Variants in ZNF503 observed in about 807,000 individuals in gnomAD.
ZNF503 encodes the protein NocA-like zinc finger 2.
In ZNF503, 15 loss-of-function variants were observed where a neutral mutation model predicts 34.4. That is an observed-to-expected ratio of 0.44 (90% CI 0.29 to 0.67). The LOEUF is 0.67. Among genes scored for constraint, ZNF503 ranks in the 30% least tolerant of loss-of-function variants. The pLI, the probability that ZNF503 is intolerant of heterozygous loss-of-function variation, is 0.13. For synonymous variants in ZNF503, 580 were observed against 456.8 expected, an observed-to-expected ratio of 1.27 and a Z score of -3.44; for missense variants, 1,007 against 926.8, an observed-to-expected ratio of 1.09 and a Z score of -1.12.
chr10:75,390,395 CCCT>C, the ZNF503 span, among the ~76,000 whole-genome samples: 1 of 150,202 alleles, frequency 6.7e-6, no homozygotes, highest in African/African-American at 2.5e-5. Flanking sequence ...CTCTTCCTCC[CCCT>C]CCTCCTCTTC....
chr10:75,394,923 A>ACCAG (rs1385379815), downstream of ZNF503, among the ~76,000 whole-genome samples: 1 of 152,128 alleles, frequency 6.6e-6, no homozygotes, highest in Non-Finnish European at 1.5e-5. Flanking sequence ...GCACAAGGAC[A>ACCAG]CCAGGGTCGC....
At chr10:75,390,988 G>A in the ZNF503 span, among the ~76,000 whole-genome samples, 3 of 152,058 alleles carry the variant, frequency 2.0e-5, no homozygotes, top group Non-Finnish European at 4.4e-5. Flanking sequence ...GGAGGTTGGT[G>A]GTGTCTCTTC....
Position 75,399,477 on chromosome 10 carries a change from T to C in ZNF503, c.1213A>G (p.Ser405Gly). 6.3e-7 allele frequency: 1 copy of C among 1,579,804 alleles called. No homozygotes were observed. Among genetic ancestry groups the C allele is most frequent in the Non-Finnish European group, 8.5e-7 (1 of 1,169,616 alleles). ...AAAAAGSLGC[S>G]KPAGSSPLAG... is the part of the protein sequence containing the mutation. The stretch of plus-strand genomic sequence containing the variant: ...AAAGGGCTGGAGCCGGCCGGCTTAC[T>C]GCAGCCCAGAGACCCGGCCGCGGCC... Residue 405 changes from serine (S) to glycine (G), a missense_variant, in exon 2 of 2, where the codon AGT becomes GGT. By Grantham distance (56) the Ser-to-Gly change is moderately conservative. Coordinates refer to ENST00000372524, the MANE Select transcript of ZNF503 (RefSeq NM_032772.6).
the ZNF503 span, among the ~76,000 whole-genome samples, chr10:75,329,188 T>C: frequency 6.6e-6 from 1 of 152,196 alleles, no homozygotes; most frequent in Non-Finnish European, 1.5e-5. Flanking sequence ...ATGGGATTGC[T>C]TTCTTAATTT....
the ZNF503 span, among the ~76,000 whole-genome samples, chr10:75,325,515 G>C: frequency 6.6e-6 from 1 of 152,056 alleles, no homozygotes; most frequent in African/African-American, 2.4e-5. Flanking sequence ...GATTACTGTA[G>C]CTTTAGAGTA....
At chr10:75,377,025 G>C in the ZNF503 span, among the ~76,000 whole-genome samples, 1 of 152,222 alleles carries the variant, frequency 6.6e-6, no homozygotes, top group Admixed American at 6.5e-5. Flanking sequence ...TCTGGGACCA[G>C]CAACATCAGC....
In ZNF503 at chr10:75,400,073, G is replaced by A. The variant is rs754074409; in HGVS notation, c.617C>T (p.Ser206Leu). 10 of 1,559,400 alleles carry A rather than the reference G, an allele frequency of 6.4e-6. No homozygotes were observed. The highest frequency in any genetic ancestry group is 2.7e-5 in the African/African-American group (2 of 73,474). ...TACCCGGAATCCCGACTTCTCCGAC[G>A]AAACACCCCCGCCGCCGCCCCCGCC... ...GGGGGGGGGV[S>L]SEKSGFRVPS... The change falls in exon 2 of 2, where the codon TCG (serine) becomes TTG (leucine). Residue 206 changes from serine (S) to leucine (L), a missense_variant. Transcript: ENST00000372524.
At position 75,401,382 on chromosome 10, in the gene ZNF503, C is replaced by T. The variant is rs1011298922; in HGVS notation, c.38G>A (p.Ser13Asn). 4 of 1,539,814 alleles carry T rather than the reference C, an allele frequency of 2.6e-6. No individual in the cohort carries two copies. The highest frequency in any genetic ancestry group is 2.6e-6 in the Non-Finnish European group (3 of 1,146,502). ...GCCGCCGCCGCCGCCGCTGTGCTTACTGCTTCTTAGGGCAGAAAGCGAGGG... is the reference window on the plus strand; with the variant it reads ...GCCGCCGCCGCCGCCGCTGTGCTTATTGCTTCTTAGGGCAGAAAGCGAGGG... ...TAPSLSALRSSKHSGGGGGGG... is the reference protein window; with the variant it reads ...TAPSLSALRSNKHSGGGGGGG... Residue 13 changes from serine (S) to asparagine (N), a missense_variant, in exon 1 of 2, where the codon AGT becomes AAT. Physicochemically the swap from Ser to Asn is conservative, Grantham distance 46. Transcript: ENST00000372524.
chr10:75,310,683 A>G, the ZNF503 span, among the ~76,000 whole-genome samples: 2 of 152,242 alleles, frequency 1.3e-5, no homozygotes, highest in Non-Finnish European at 2.9e-5. Flanking sequence ...ACCTTCCTGC[A>G]GTCTAGTGGA....
chr10:75,282,310 C>G, the ZNF503 span, among the ~76,000 whole-genome samples: 1,119 of 152,286 alleles, frequency 7.3e-3, 12 homozygotes, highest in African/African-American at 0.025. Context: ...AAGACAAAGC[C>G]TTGGCTGGGG....
chr10:75,353,034 G>T, the ZNF503 span, among the ~76,000 whole-genome samples: 1 of 152,094 alleles, frequency 6.6e-6, no homozygotes, highest in Non-Finnish European at 1.5e-5. Context: ...CTCTGTCCTC[G>T]TAGGAGGGGA....
chr10:75,280,002 G>C, the ZNF503 span: 3 of 152,178 alleles, frequency 2.0e-5, no homozygotes, highest in Non-Finnish European at 4.4e-5. Context: ...AATGAATTTT[G>C]TGGGGACTAT....
At chr10:75,288,054 A>G in the ZNF503 span, among the ~76,000 whole-genome samples, 1 of 152,230 alleles carries the variant, frequency 6.6e-6, no homozygotes, top group African/African-American at 2.4e-5. Flanking sequence ...TGGCTCTGAC[A>G]TTCCAGCACT....
the ZNF503 span, among the ~76,000 whole-genome samples, chr10:75,315,716 C>T: frequency 1.3e-5 from 2 of 152,212 alleles, no homozygotes; most frequent in Admixed American, 1.3e-4. Context: ...CAATTAATAA[C>T]ATAGCCATAG....
the ZNF503 span, among the ~76,000 whole-genome samples, chr10:75,294,362 C>T: frequency 6.6e-6 from 1 of 152,174 alleles, no homozygotes; most frequent in Admixed American, 6.5e-5. Context: ...TCCAAAAGAC[C>T]CTCGCCCAAA....
At chr10:75,327,903 G>T in the ZNF503 span, among the ~76,000 whole-genome samples, 1 of 152,036 alleles carries the variant, frequency 6.6e-6, no homozygotes, top group Non-Finnish European at 1.5e-5. Context: ...TGTCTTTTGA[G>T]AGATGTCTAT....
the ZNF503 span, among the ~76,000 whole-genome samples, chr10:75,300,463 G>C: frequency 2.6e-5 from 4 of 152,274 alleles, no homozygotes; most frequent in Admixed American, 1.3e-4. Flanking sequence ...GTAAAGACAG[G>C]CATAGGAAAT....
chr10:75,396,668 G>A (rs998313716), downstream of ZNF503, among the ~76,000 whole-genome samples: 2 of 152,152 alleles, frequency 1.3e-5, no homozygotes, highest in African/African-American at 4.8e-5. This position sits in a 1 kb window ranked among gnomAD's most constrained non-coding sequence, Gnocchi z 4.4. Context: ...GAAACCGGAA[G>A]AGCCTGACCC....
chr10:75,287,643 C>G, the ZNF503 span, among the ~76,000 whole-genome samples: 89 of 152,260 alleles, frequency 5.8e-4, no homozygotes, highest in East Asian at 0.014. Context: ...ACAGAGTGAG[C>G]CTTGAGCAGG....
Sources: allele counts gnomAD v4.1 joint callset (sites outside exome capture counted in the v4.1 genomes callset), GRCh38; gene constraint gnomAD v4.1.1; non-coding constraint Gnocchi (gnomAD v3.1); transcripts MANE v1.5; gene names NCBI Gene and HGNC (gene_info 2026-07-23, HGNC 2026-07-21).